The following ATXN2 variants were observed in gnomAD, a reference collection of about 807,000 sequenced individuals.
ATXN2 encodes ataxin 2, also known as ataxin-2.
ATXN2 carries 37 observed loss-of-function variants against 138.6 expected under a neutral mutation model. The observed-to-expected ratio is 0.27, with a 90% CI of 0.21 to 0.35. ATXN2 has a LOEUF of 0.35. ATXN2 is among the 10% of genes least tolerant of loss of function. The pLI is 1.00. For synonymous variants in ATXN2, 549 were observed against 543.7 expected, an observed-to-expected ratio of 1.01 and a Z score of -0.13; for missense variants, 1,216 against 1,480.3, an observed-to-expected ratio of 0.82 and a Z score of 2.93.
intron 1 of ATXN2, among the ~76,000 whole-genome samples, chr12:111,573,794 TTA>T (rs1252337778): frequency 6.6e-6 from 1 of 152,006 alleles, no homozygotes; most frequent in African/African-American, 2.4e-5. Flanking sequence ...AAATGGTATT[TTA>T]TGACATAACA....
Position 111,520,058 on chromosome 12 carries a change from A to C in ATXN2, c.807T>G (p.Asp269Glu). 3 of 1,613,918 alleles carry C rather than the reference A, an allele frequency of 1.9e-6. No homozygotes were observed. Among genetic ancestry groups the C allele is most frequent in the Non-Finnish European group, 2.5e-6 (3 of 1,180,014 alleles). Reference sequence around the variant, plus strand: ...CCCGTTTTAAAAATTCTTCTGAGTTATCTCTTTCTAAGGGCACTCTGAAAC... The same window carrying C: ...CCCGTTTTAAAAATTCTTCTGAGTTCTCTCTTTCTAAGGGCACTCTGAAAC... ...LSSYTVPLERDNSEEFLKREA... is the reference protein window; with the variant it reads ...LSSYTVPLERENSEEFLKREA... The change falls in exon 8 of 25, where the codon GAT becomes GAG. Residue 269 changes from aspartate to glutamate, a missense_variant. This residue lies in a region of ATXN2 where 401 missense variants were observed against 528.1 expected (regional missense o/e 0.76). Transcript: ENST00000673436.
Position 111,598,953 on chromosome 12 carries a change from GCTGCTGCTGCTGCTGCTGCTGCTGTT to G in ATXN2, c.56_81del (p.Gln19ProfsTer62). The G allele has an allele frequency of 1.8e-6, 1 of 552,700 alleles. No homozygotes were observed. Among genetic ancestry groups the G allele is most frequent in the South Asian group, 2.8e-5 (1 of 35,628 alleles). The allele number at this position is 552,700 out of a possible 1,614,324, so 34.2% of individuals were successfully genotyped here. ...ACATTGGCAGCCGCGGGCGGCGGCT[GCTGCTGCTGCTGCTGCTGCTGCTGTT>G]GCTGCTGCTGCTGCTGCTGCTGCTG... is the stretch of plus-strand genomic sequence containing the variant. On this transcript the variant is annotated frameshift_variant, in exon 1 of 25. Coordinates refer to ENST00000673436, the MANE Select transcript of ATXN2 (RefSeq NM_001372574.1). LOFTEE classifies it high-confidence loss of function. The surrounding 1 kb of genome is among the most constrained non-coding windows in gnomAD (Gnocchi z 4.5).
At chr12:111,475,555 T>A (rs1460352031) in intron 18 of ATXN2, among the ~76,000 whole-genome samples, 16 of 143,828 alleles carry the variant, frequency 1.1e-4, no homozygotes, top group African/African-American at 3.5e-4. Flanking sequence ...AGGTGCGCAA[T>A]CTCAACTCAA....
intron 5 of ATXN2, among the ~76,000 whole-genome samples, chr12:111,528,985 T>A (rs530457610): frequency 1.5e-4 from 23 of 152,314 alleles, no homozygotes; most frequent in Admixed American, 1.3e-4. Flanking sequence ...TTGTTTTTGT[T>A]TTTTCAGAGA....
rs746541541 is a variant in ATXN2 at position 111,513,383 on chromosome 12, C to A, written c.1532G>T (p.Gly511Val). 6.2e-7 allele frequency: 1 copy of A among 1,613,080 alleles called. No homozygotes were observed. Among genetic ancestry groups the A allele is most frequent in the Non-Finnish European group, 8.5e-7 (1 of 1,179,516 alleles). ...CCCACTGACCACTGATGACCACGTT[C>A]CCCCCGAGGGACTGGTCCTTGCTAC... ...PPVARTSPSG[G>V]TWSSVVSGVP... The change falls in exon 11 of 25, where the codon GGA becomes GTA. Residue 511 changes from glycine (G) to valine (V), a missense_variant. Gly to Val is a moderately radical substitution (Grantham distance 109, BLOSUM62 -3). Coordinates refer to ENST00000673436, the MANE Select transcript of ATXN2 (RefSeq NM_001372574.1).
intron 20 of ATXN2, among the ~76,000 whole-genome samples, chr12:111,466,201 TAA>T (rs770117015): frequency 8.4e-6 from 1 of 119,160 alleles, no homozygotes; most frequent in Non-Finnish European, 1.8e-5. Flanking sequence ...AAATAAAAAA[TAA>T]AAAAAAAAAA....
chr12:111,557,370 G>A (rs1171305767), intron 1 of ATXN2, among the ~76,000 whole-genome samples: 1 of 152,140 alleles, frequency 6.6e-6, no homozygotes, highest in African/African-American at 2.4e-5. Flanking sequence ...GAAAACAATG[G>A]ACTTGAATTA....
chr12:111,597,427 G>A (rs1051855954), intron 1 of ATXN2, among the ~76,000 whole-genome samples: 2 of 152,198 alleles, frequency 1.3e-5, no homozygotes. Flanking sequence ...CCTAAAGAAG[G>A]CACAGTAGTG....
chr12:111,475,010 G>A (rs1312759607), intron 18 of ATXN2, among the ~76,000 whole-genome samples: 3 of 152,014 alleles, frequency 2.0e-5, no homozygotes, highest in East Asian at 1.9e-4. Flanking sequence ...TCAGGAGATC[G>A]ATACCATCCT....
chr12:111,591,392 C>T (rs995556212), intron 1 of ATXN2, among the ~76,000 whole-genome samples: 2 of 151,570 alleles, frequency 1.3e-5, no homozygotes, highest in Admixed American at 1.3e-4. Context: ...GGAGGGGGCT[C>T]GGTGCAGTGG....
chr12:111,566,643 T>TC (rs1309624508), intron 1 of ATXN2, among the ~76,000 whole-genome samples: 1 of 151,332 alleles, frequency 6.6e-6, no homozygotes, highest in Non-Finnish European at 1.5e-5. Context: ...CTTTTCTTTT[T>TC]TTTTTTTTTT....
chr12:111,539,583 T>G (rs1881379765), intron 5 of ATXN2, among the ~76,000 whole-genome samples: 1 of 149,410 alleles, frequency 6.7e-6, no homozygotes, highest in African/African-American at 2.4e-5. Flanking sequence ...CCGTCTCTAC[T>G]AAAAATACAA....
intron 18 of ATXN2, 28 bp downstream of exon 18, chr12:111,485,237 A>G (rs1481819908): frequency 6.3e-7 from 1 of 1,591,416 alleles, no homozygotes; most frequent in African/African-American, 1.3e-5. Context: ...TGCAAACTAC[A>G]AGCAAACACA....
At chr12:111,587,022 C>T (rs1488828958) in intron 1 of ATXN2, among the ~76,000 whole-genome samples, 1 of 150,292 alleles carries the variant, frequency 6.7e-6, no homozygotes, top group Non-Finnish European at 1.5e-5. Flanking sequence ...ACAGTTTAAG[C>T]CCAGAAGTTG....
chr12:111,470,264 A>C (rs756548758), intron 19 of ATXN2, 24 bp from the exon 20 acceptor site: 10 of 1,610,390 alleles, frequency 6.2e-6, no homozygotes, highest in African/African-American at 2.7e-5. Context: ...AAAAATAAAG[A>C]AAGCACATTA....
chr12:111,518,218 T>C, intron 9 of ATXN2, 31 bp downstream of exon 9: 2 of 1,498,298 alleles, frequency 1.3e-6, no homozygotes, highest in South Asian at 2.7e-5. Flanking sequence ...ATTTTATCAA[T>C]GATATTGACA....
chr12:111,586,179 A>G (rs1884317655), intron 1 of ATXN2, among the ~76,000 whole-genome samples: 1 of 151,154 alleles, frequency 6.6e-6, no homozygotes, highest in Non-Finnish European at 1.5e-5. Flanking sequence ...TGTTGGGATT[A>G]CAGGTGTGAG....
intron 1 of ATXN2, among the ~76,000 whole-genome samples, chr12:111,585,610 G>T (rs1884280307): frequency 6.6e-6 from 1 of 151,874 alleles, no homozygotes; most frequent in East Asian, 1.9e-4. Flanking sequence ...TTCGAGACCA[G>T]CCTGGCCAAA....
chr12:111,582,852 T>C (rs1454946620), intron 1 of ATXN2, among the ~76,000 whole-genome samples: 1 of 151,822 alleles, frequency 6.6e-6, no homozygotes, highest in African/African-American at 2.4e-5. Context: ...GTATTTTTAG[T>C]AGAGACAGGG....
Sources: allele counts gnomAD v4.1 joint callset (sites outside exome capture counted in the v4.1 genomes callset), GRCh38; gene constraint gnomAD v4.1.1; regional missense constraint gnomAD v4.1.1; non-coding constraint Gnocchi (gnomAD v3.1); transcripts MANE v1.5; gene names NCBI Gene and HGNC (gene_info 2026-07-23, HGNC 2026-07-21).